Variants in LRRC9 observed in about 807,000 individuals in gnomAD.
LRRC9 encodes the protein leucine-rich repeat-containing protein 9.
Under a neutral mutation model 63.2 loss-of-function variants are expected in LRRC9, and 122 were observed. The observed-to-expected ratio is 1.93, with a 90% confidence interval of 1.67 to 2.24. The LOEUF (loss-of-function observed/expected upper bound fraction) is 2.24, where lower values mean the gene tolerates loss of function less well. Among genes scored for constraint, LRRC9 ranks in the 30% most tolerant of loss-of-function variants. The probability of loss-of-function intolerance (pLI) is 0.00; values close to 1 mark genes in which losing one functional copy is unlikely to be tolerated. For missense variants in LRRC9, 1,071 were observed against 627.7 expected (o/e 1.71, Z -7.55); for synonymous variants, 366 against 213.1 (o/e 1.72, Z -6.25).
At position 59,956,534 on chromosome 14, in the gene LRRC9, T is replaced by C. The variant is rs1027213812; in HGVS notation, c.883-3284T>C. On this transcript the variant is annotated intron_variant, in intron 8 of 31. Coordinates refer to ENST00000445360, the Ensembl canonical transcript of LRRC9. The stretch of plus-strand genomic sequence containing the variant: ...TTTATTTTGAGCCTATGTGTGTCTT[T>C]GCACGTGAGAGGGGTCTCCTGAATA... Among the ~76,000 whole-genome samples, 22 of 152,342 alleles carry C rather than the reference T, an allele frequency of 1.4e-4. 1 individual carries two copies. In the South Asian group the frequency reaches 2.9e-3, roughly 20 times the overall value.
chr14:60,043,231 T>C (rs1273264352), intron 29 of LRRC9, among the ~76,000 whole-genome samples: 1 of 152,230 alleles, frequency 6.6e-6, no homozygotes. Flanking sequence ...AGGATCACAG[T>C]GTCTGCAAAC....
Position 60,004,708 on chromosome 14 carries a change from T to C in LRRC9, c.2842+910T>C, listed in dbSNP as rs940819390. 6.6e-6 allele frequency among the ~76,000 whole-genome samples: 1 copy of C among 152,102 alleles called. No individual in the cohort carries two copies. Among genetic ancestry groups the C allele is most frequent in the African/African-American group, 2.4e-5 (1 of 41,458 alleles). On this transcript the variant is annotated intron_variant, in intron 21 of 31. Transcript: ENST00000445360. This position sits in a 1 kb window ranked among gnomAD's most constrained non-coding sequence, Gnocchi z 4.8. Reference sequence around the variant, plus strand: ...TTCTGACTCCTCCCCAGCTTTATTTTATTCTTACCTTCATTAGAAAGAAAT... The same window carrying C: ...TTCTGACTCCTCCCCAGCTTTATTTCATTCTTACCTTCATTAGAAAGAAAT...
chr14:60,035,690 T>A (rs1892370527), intron 29 of LRRC9, among the ~76,000 whole-genome samples: 1 of 152,182 alleles, frequency 6.6e-6, no homozygotes. Flanking sequence ...TTCTGTCACA[T>A]TGGTCTATGT....
chr14:59,985,194 A>G, exon 17 of LRRC9: 1 of 690,388 alleles, frequency 1.4e-6, no homozygotes, highest in Non-Finnish European at 2.6e-6. Flanking sequence ...GCTTTAATGA[A>G]TTTACCTGTT....
chr14:60,039,449 T>G (rs1892743850), intron 29 of LRRC9, among the ~76,000 whole-genome samples: 1 of 152,192 alleles, frequency 6.6e-6, no homozygotes, highest in African/African-American at 2.4e-5. Flanking sequence ...GACCCTTTTA[T>G]TGGTCTATTC....
intron 29 of LRRC9, among the ~76,000 whole-genome samples, chr14:60,050,426 C>T (rs114891006): frequency 0.015 from 2,227 of 152,284 alleles, 37 homozygotes; most frequent in African/African-American, 0.035. Context: ...AGGTCAGTTA[C>T]GTTTCTCTCT....
At chr14:59,976,395 T>C (rs964412502) in intron 13 of LRRC9, among the ~76,000 whole-genome samples, 4 of 152,232 alleles carry the variant, frequency 2.6e-5, no homozygotes, top group Non-Finnish European at 5.9e-5. Flanking sequence ...TAGTCAGAAA[T>C]TGGGTTAACT....
At chr14:59,939,638 A>T (rs1011316304) in intron 7 of LRRC9, among the ~76,000 whole-genome samples, 6 of 152,014 alleles carry the variant, frequency 3.9e-5, no homozygotes, top group African/African-American at 1.4e-4. Flanking sequence ...ATATGGGTTT[A>T]CTGATGGATT....
chr14:60,045,376 G>A (rs1310473121), intron 29 of LRRC9, among the ~76,000 whole-genome samples: 2 of 152,062 alleles, frequency 1.3e-5, no homozygotes, highest in Admixed American at 1.3e-4. Context: ...CCATCACCTA[G>A]GTATTAAGCC....
In LRRC9 at chr14:59,927,989, C is replaced by A; in HGVS notation, c.46C>A (p.Leu16Met). Residue 16 changes from leucine (L) to methionine (M), a missense_variant and splice_region_variant, in exon 2 of 32, where the codon CTG becomes ATG. Leu to Met is a conservative substitution (Grantham distance 15, BLOSUM62 2). Coordinates refer to ENST00000445360, the Ensembl canonical transcript of LRRC9. The surrounding 1 kb of genome is among the most constrained non-coding windows in gnomAD (Gnocchi z 4.4). ...AAACCAAGAAGAAATAATTAAAGAA[C>A]TGGTGAGTCAAAGTCAAATTTCTTT... The A allele has an allele frequency of 1.5e-6, 1 of 681,012 alleles. No individual in the cohort carries two copies. Among genetic ancestry groups the A allele is most frequent in the South Asian group, 1.6e-5 (1 of 62,386 alleles). The allele number at this position is 681,012 out of a possible 1,614,324, so 42.2% of individuals were successfully genotyped here. A position where few individuals can be genotyped will look rare whatever the true frequency, so the allele number is the denominator to read the frequency against.
intron 3 of LRRC9, among the ~76,000 whole-genome samples, chr14:59,928,955 CCAAT>C (rs1889448480): frequency 6.6e-6 from 1 of 151,654 alleles, no homozygotes; most frequent in Non-Finnish European, 1.5e-5. Context: ...AATGTAAAAC[CCAAT>C]ATAAAAACCC....
chr14:60,054,084 A>G (rs76256964), intron 30 of LRRC9: 1 of 335,180 alleles, frequency 3.0e-6, no homozygotes, highest in Non-Finnish European at 5.8e-6. Flanking sequence ...AAAAACATTA[A>G]ACTGAATAGG....
At chr14:60,028,329 T>G (rs1891717928) in intron 28 of LRRC9, among the ~76,000 whole-genome samples, 1 of 152,058 alleles carries the variant, frequency 6.6e-6, no homozygotes, top group African/African-American at 2.4e-5. Context: ...TAACAAAGAT[T>G]AGTTCTACGT....
At chr14:59,961,138 C>T (rs1884313472) in intron 10 of LRRC9, 93 bp downstream of exon 10, 1 of 491,432 alleles carries the variant, frequency 2.0e-6, no homozygotes, top group Admixed American at 3.8e-5. Flanking sequence ...CTTAAAATGT[C>T]CCATTTTTGA....
chr14:59,945,947 T>C (rs927677876), intron 8 of LRRC9, among the ~76,000 whole-genome samples: 1 of 151,840 alleles, frequency 6.6e-6, no homozygotes, highest in Non-Finnish European at 1.5e-5. Context: ...CTGGTGAAGA[T>C]GGATGTGACA....
At chr14:59,957,321 A>T (rs927875381) in intron 8 of LRRC9, among the ~76,000 whole-genome samples, 1 of 151,964 alleles carries the variant, frequency 6.6e-6, no homozygotes, top group African/African-American at 2.4e-5. Flanking sequence ...GGCTTTGTTC[A>T]TTCCTTTTCA....
Position 59,964,719 on chromosome 14 carries a change from A to G in LRRC9, c.1212-1870A>G, listed in dbSNP as rs1389033986. ...CAAATGATCCCTCTATAGGAGGGGC[A>G]GTAGCTTCCCCACCTCAGATGCTAA... On this transcript the variant is annotated intron_variant, in intron 10 of 31. Coordinates refer to ENST00000445360, the Ensembl canonical transcript of LRRC9. This position sits in a 1 kb window ranked among gnomAD's most constrained non-coding sequence, Gnocchi z 4.4. 6.6e-6 allele frequency among the ~76,000 whole-genome samples: 1 copy of G among 152,200 alleles called. No individual in the cohort carries two copies. The highest frequency in any genetic ancestry group is 1.9e-4 in the East Asian group (1 of 5,194).
intron 29 of LRRC9, among the ~76,000 whole-genome samples, chr14:60,041,117 C>T (rs1199543755): frequency 6.6e-6 from 1 of 151,618 alleles, no homozygotes; most frequent in Non-Finnish European, 1.5e-5. Context: ...ACAGTTTCTG[C>T]TGAGAGATCC....
chr14:60,012,165 TATAA>T (rs1005766925), intron 23 of LRRC9, among the ~76,000 whole-genome samples: 6 of 152,194 alleles, frequency 3.9e-5, no homozygotes, highest in African/African-American at 9.7e-5. Flanking sequence ...GTGTCTGAGA[TATAA>T]ATAAACTTTG....
Sources: gnomAD v4.1 joint callset for allele counts (sites outside exome capture counted in the v4.1 genomes callset) on GRCh38, gnomAD v4.1.1 for gene constraint, Gnocchi (gnomAD v3.1) non-coding constraint, MANE v1.5 for transcripts, NCBI Gene and HGNC (gene_info 2026-07-23, HGNC 2026-07-21) for gene names.